The following DEFB1 variants were observed in gnomAD, a reference collection of about 807,000 sequenced individuals.
DEFB1 encodes defensin beta 1.
In DEFB1, 4 loss-of-function variants were observed where a neutral mutation model predicts 2.6. That is an observed-to-expected ratio of 1.53 (90% CI 0.76 to 3.51). The LOEUF (loss-of-function observed/expected upper bound fraction) is 3.51, where lower values mean the gene tolerates loss of function less well. Among genes scored for constraint, DEFB1 ranks in the 30% most tolerant of loss-of-function variants. The probability of loss-of-function intolerance (pLI) is 0.01; values close to 1 mark genes in which losing one functional copy is unlikely to be tolerated. For missense variants in DEFB1, 162 were observed against 76.9 expected (o/e 2.11, Z -4.14); for synonymous variants, 56 against 28.5 (o/e 1.96, Z -3.07).
intron 1 of DEFB1, among the ~76,000 whole-genome samples, chr8:6,877,442 G>T (rs1380750244): frequency 1.3e-5 from 2 of 152,244 alleles, no homozygotes; most frequent in Non-Finnish European, 2.9e-5. Flanking sequence ...GATGGGGCCG[G>T]CCCCTCTCTC....
chr8:6,877,074 T>TC (rs1336734335), intron 1 of DEFB1, among the ~76,000 whole-genome samples: 2 of 152,266 alleles, frequency 1.3e-5, no homozygotes, highest in East Asian at 3.9e-4. Context: ...TCCCAGCCCC[T>TC]CATTCTGCAG....
intron 1 of DEFB1, among the ~76,000 whole-genome samples, chr8:6,875,812 G>C (rs1806505319): frequency 6.6e-6 from 1 of 152,140 alleles, no homozygotes; most frequent in Admixed American, 6.5e-5. Flanking sequence ...ATAGAAATGT[G>C]TGCACAAACC....
chr8:6,873,695 G>A (rs1188737805), intron 1 of DEFB1, among the ~76,000 whole-genome samples: 1 of 152,136 alleles, frequency 6.6e-6, no homozygotes, highest in African/African-American at 2.4e-5. Flanking sequence ...AGGCAGAGGA[G>A]TGTGGAAAAC....
At chr8:6,874,787 G>T (rs1439118509) in intron 1 of DEFB1, among the ~76,000 whole-genome samples, 2 of 152,106 alleles carry the variant, frequency 1.3e-5, no homozygotes, top group Non-Finnish European at 2.9e-5. Flanking sequence ...TTTGAGACCA[G>T]CCTGGCCAAC....
chr8:6,871,511 T>C (rs1243071951), intron 1 of DEFB1, among the ~76,000 whole-genome samples: 1 of 152,210 alleles, frequency 6.6e-6, no homozygotes, highest in Non-Finnish European at 1.5e-5. Flanking sequence ...CAGGCCGCCA[T>C]GTTGCAAGTC....
At chr8:6,872,209 T>A (rs1220765573) in intron 1 of DEFB1, among the ~76,000 whole-genome samples, 1 of 151,924 alleles carries the variant, frequency 6.6e-6, no homozygotes, top group Non-Finnish European at 1.5e-5. Flanking sequence ...ACAGAGTCCC[T>A]TCAATGTGTT....
chr8:6,871,464 G>C (rs1384682242), intron 1 of DEFB1, among the ~76,000 whole-genome samples: 1 of 152,088 alleles, frequency 6.6e-6, no homozygotes, highest in African/African-American at 2.4e-5. Context: ...CATGCAACAG[G>C]GAACAGTCGC....
intron 1 of DEFB1, 99 bp downstream of exon 1, chr8:6,877,698 C>A: frequency 9.1e-7 from 1 of 1,101,588 alleles, no homozygotes; most frequent in Non-Finnish European, 1.4e-6. Flanking sequence ...CTGCTTGTTC[C>A]TCGTCCCTTG....
At chr8:6,872,641 C>G (rs973337148) in intron 1 of DEFB1, among the ~76,000 whole-genome samples, 8 of 152,196 alleles carry the variant, frequency 5.3e-5, no homozygotes, top group Non-Finnish European at 1.0e-4. Flanking sequence ...CACTCTGGTT[C>G]TCCCATCCCA....
chr8:6,875,418 A>G (rs1806486560), intron 1 of DEFB1, among the ~76,000 whole-genome samples: 1 of 152,226 alleles, frequency 6.6e-6, no homozygotes. Flanking sequence ...ACTACAAACC[A>G]ATAAGAAAAG....
At chr8:6,874,647 T>C (rs1180353626) in intron 1 of DEFB1, among the ~76,000 whole-genome samples, 1 of 152,142 alleles carries the variant, frequency 6.6e-6, no homozygotes, top group East Asian at 1.9e-4. Flanking sequence ...TGTAGAATAG[T>C]AGTGGCTCAG....
chr8:6,874,517 C>G (rs1420223707), intron 1 of DEFB1, among the ~76,000 whole-genome samples: 1 of 152,194 alleles, frequency 6.6e-6, no homozygotes, highest in East Asian at 1.9e-4. Context: ...TACTGTATTT[C>G]AAGACTAAGT....
chr8:6,871,234 T>C lies in DEFB1; in HGVS notation c.62-408A>G, dbSNP rs56221449. On this transcript the variant is annotated intron_variant, in intron 1 of 1. Coordinates refer to ENST00000297439, the MANE Select transcript of DEFB1 (RefSeq NM_005218.4). ...CACAGCCTACACTTCCCTCCTTCCATGCCTTCAGTTACGCTGTTCCCTCTG... is the reference window on the plus strand; with the variant it reads ...CACAGCCTACACTTCCCTCCTTCCACGCCTTCAGTTACGCTGTTCCCTCTG... 5.3e-5 allele frequency among the ~76,000 whole-genome samples: 8 copies of C among 152,350 alleles called. No homozygotes were observed. The South Asian group carries it at 1.7e-3, about 32-fold the overall frequency.
At chr8:6,875,779 G>C (rs1482143176) in intron 1 of DEFB1, among the ~76,000 whole-genome samples, 1 of 152,108 alleles carries the variant, frequency 6.6e-6, no homozygotes, top group Non-Finnish European at 1.5e-5. Flanking sequence ...TAGAAATAGA[G>C]GCATAAGGGC....
chr8:6,873,208 C>G (rs2978872), intron 1 of DEFB1, among the ~76,000 whole-genome samples: 124,224 of 152,172 alleles, frequency 0.82, 50,865 homozygotes, highest in Middle Eastern at 0.89. Flanking sequence ...AGTGATGTCC[C>G]CAGAGCATGT....
At chr8:6,871,439 A>G (rs1806306809) in intron 1 of DEFB1, among the ~76,000 whole-genome samples, 1 of 152,126 alleles carries the variant, frequency 6.6e-6, no homozygotes, top group Non-Finnish European at 1.5e-5. Flanking sequence ...AGTACTCTGG[A>G]ATAGCCTTCT....
Position 6,870,771 on chromosome 8 carries a change from G to A in DEFB1, c.117C>T (p.Ser39=), listed in dbSNP as rs1806281102. ...CAGAATAGAGACATTGCCCTCCACT[G>A]CTGACGCAATTGTAATGATCAGATC... ...GHRSDHYNCV[S]SGGQCLYSAC... is the part of the protein sequence containing the mutation. Residue 39 remains serine (S), a synonymous_variant, in exon 2 of 2, where the codon AGC becomes AGT. Coordinates refer to ENST00000297439, the MANE Select transcript of DEFB1 (RefSeq NM_005218.4). 6.2e-7 allele frequency: 1 copy of A among 1,614,224 alleles called. No homozygotes were observed. Among genetic ancestry groups the A allele is most frequent in the Non-Finnish European group, 8.5e-7 (1 of 1,180,040 alleles).
Position 6,877,934 on chromosome 8 carries a change from C to T in DEFB1, c.-77G>A, listed in dbSNP as rs988926869. ...CCTTTGGAGGCTGAGCTGACAGAGG[C>T]TTCCAGAGGCTGGAGCGTCACTGTA... is the stretch of plus-strand genomic sequence containing the variant. On this transcript the variant is annotated 5_prime_UTR_variant, in exon 1 of 2. Transcript: ENST00000297439. 35 of 1,327,160 alleles carry T rather than the reference C, an allele frequency of 2.6e-5. No homozygotes were observed. The highest frequency in any genetic ancestry group is 1.5e-5 in the Non-Finnish European group (14 of 920,860). 82.2% of individuals were successfully genotyped at this position (1,327,160 alleles called of 1,614,324 possible).
chr8:6,874,663 C>A (rs144592700), intron 1 of DEFB1, among the ~76,000 whole-genome samples: 3 of 152,052 alleles, frequency 2.0e-5, no homozygotes, highest in Admixed American at 2.0e-4. Context: ...CTCAGCAGAA[C>A]AGTGGGGAAA....
Sources: gnomAD v4.1 joint callset for allele counts (sites outside exome capture counted in the v4.1 genomes callset) on GRCh38, gnomAD v4.1.1 for gene constraint, MANE v1.5 for transcripts, NCBI Gene and HGNC (gene_info 2026-07-23, HGNC 2026-07-21) for gene names.